Variants in PPARGC1A observed in about 807,000 individuals in gnomAD.
PPARGC1A encodes PPARG coactivator 1 alpha.
Under a neutral mutation model 88.7 loss-of-function variants are expected in PPARGC1A, and 25 were observed. That is an observed-to-expected ratio of 0.28 (90% CI 0.21 to 0.39). The LOEUF is 0.39. Ranked by LOEUF, PPARGC1A falls within the 10% of genes least tolerant of loss-of-function variation. The probability of loss-of-function intolerance (pLI) is 1.00; values close to 1 mark genes in which losing one functional copy is unlikely to be tolerated. For synonymous variants in PPARGC1A, 363 were observed against 355.6 expected (o/e 1.02, Z -0.24); for missense variants, 880 against 968.7 (o/e 0.91, Z 1.22).
the PPARGC1A span, among the ~76,000 whole-genome samples, chr4:24,016,457 T>C: frequency 2.0e-5 from 3 of 152,322 alleles, no homozygotes; most frequent in South Asian, 6.2e-4. Flanking sequence ...GTTCATTCAT[T>C]TAACAAACAT....
chr4:23,851,524 CGTG>C (rs1247613474), intron 2 of PPARGC1A, among the ~76,000 whole-genome samples: 1 of 152,132 alleles, frequency 6.6e-6, no homozygotes, highest in African/African-American at 2.4e-5. Context: ...TGAAAAAACA[CGTG>C]AAAGCAAATG....
At chr4:24,464,078 G>C in the PPARGC1A span, among the ~76,000 whole-genome samples, 5 of 152,154 alleles carry the variant, frequency 3.3e-5, no homozygotes, top group Non-Finnish European at 7.3e-5. Flanking sequence ...GCAAACTACA[G>C]TTTATAAAAT....
At chr4:24,165,429 T>C in the PPARGC1A span, among the ~76,000 whole-genome samples, 6 of 152,196 alleles carry the variant, frequency 3.9e-5, no homozygotes, top group Non-Finnish European at 8.8e-5. Flanking sequence ...GATAATGACA[T>C]AAGCAAGATA....
chr4:24,105,356 C>G, the PPARGC1A span, among the ~76,000 whole-genome samples: 1 of 152,206 alleles, frequency 6.6e-6, no homozygotes, highest in South Asian at 2.1e-4. Context: ...GGCAGCTCAT[C>G]ACACTTTAGG....
At chr4:24,163,085 T>G in the PPARGC1A span, among the ~76,000 whole-genome samples, 35,786 of 150,628 alleles carry the variant, frequency 0.24, 8,052 homozygotes, top group African/African-American at 0.6. Flanking sequence ...ACACATCATG[T>G]CTCTCATACA....
At chr4:24,106,827 C>A in the PPARGC1A span, among the ~76,000 whole-genome samples, 1 of 152,256 alleles carries the variant, frequency 6.6e-6, no homozygotes, top group Non-Finnish European at 1.5e-5. Context: ...GACCCACCAG[C>A]TGGCTCAGAT....
chr4:24,236,599 T>C, the PPARGC1A span, among the ~76,000 whole-genome samples: 2 of 152,080 alleles, frequency 1.3e-5, no homozygotes, highest in East Asian at 1.9e-4. Context: ...CTAAAGAAAA[T>C]TGCACTAAAC....
intron 2 of PPARGC1A, 88 bp from the exon 3 acceptor site, chr4:23,831,839 A>T: frequency 9.6e-7 from 1 of 1,040,752 alleles, no homozygotes; most frequent in Non-Finnish European, 1.4e-6. Flanking sequence ...AAATGAGTGA[A>T]CCATACGTGA....
At chr4:24,038,893 G>A in the PPARGC1A span, among the ~76,000 whole-genome samples, 2 of 152,156 alleles carry the variant, frequency 1.3e-5, no homozygotes, top group African/African-American at 2.4e-5. Context: ...TAACTCTGGG[G>A]TTGGTATTTC....
At chr4:24,347,135 A>G in the PPARGC1A span, among the ~76,000 whole-genome samples, 1 of 152,074 alleles carries the variant, frequency 6.6e-6, no homozygotes, top group Non-Finnish European at 1.5e-5. Flanking sequence ...AGAGTGCTTG[A>G]TATAATTTCA....
the PPARGC1A span, among the ~76,000 whole-genome samples, chr4:24,002,163 G>A: frequency 6.6e-6 from 1 of 151,752 alleles, no homozygotes; most frequent in African/African-American, 2.4e-5. Flanking sequence ...GGAAGTGCCT[G>A]GAAACCAGGC....
chr4:24,203,956 C>T, the PPARGC1A span, among the ~76,000 whole-genome samples: 1 of 152,218 alleles, frequency 6.6e-6, no homozygotes, highest in Non-Finnish European at 1.5e-5. Context: ...TCCAGAAATA[C>T]ATGTTTAAGG....
At chr4:24,396,220 G>A in the PPARGC1A span, among the ~76,000 whole-genome samples, 2 of 152,162 alleles carry the variant, frequency 1.3e-5, no homozygotes, top group African/African-American at 4.8e-5. Flanking sequence ...GAGCAGGTGT[G>A]CAGTCCAAAC....
the PPARGC1A span, among the ~76,000 whole-genome samples, chr4:24,426,504 T>C: frequency 6.6e-6 from 1 of 152,148 alleles, no homozygotes; most frequent in Non-Finnish European, 1.5e-5. Flanking sequence ...TATGTGAAAC[T>C]CTGGGGGTGT....
the PPARGC1A span, among the ~76,000 whole-genome samples, chr4:24,198,234 C>A: frequency 6.6e-5 from 10 of 152,282 alleles, no homozygotes; most frequent in Non-Finnish European, 1.5e-4. Flanking sequence ...TCTAAATAAC[C>A]AAAGTATTTG....
the PPARGC1A span, among the ~76,000 whole-genome samples, chr4:24,211,537 G>T: frequency 6.6e-6 from 1 of 152,148 alleles, no homozygotes; most frequent in Non-Finnish European, 1.5e-5. Flanking sequence ...CTATGTGCGT[G>T]CATGGCTAGT....
At chr4:24,022,038 G>T in the PPARGC1A span, among the ~76,000 whole-genome samples, 1 of 152,166 alleles carries the variant, frequency 6.6e-6, no homozygotes, top group Admixed American at 6.5e-5. Flanking sequence ...AGTGGCCAGT[G>T]CTAGGGAAGA....
At chr4:23,986,018 T>C in the PPARGC1A span, among the ~76,000 whole-genome samples, 1 of 152,040 alleles carries the variant, frequency 6.6e-6, no homozygotes, top group Non-Finnish European at 1.5e-5. Flanking sequence ...ATCTGTAAGA[T>C]AAGAAGACTT....
At chr4:24,204,510 G>A in the PPARGC1A span, among the ~76,000 whole-genome samples, 6 of 152,056 alleles carry the variant, frequency 3.9e-5, no homozygotes, top group Non-Finnish European at 5.9e-5. Context: ...GGGGAAGAGA[G>A]GGGAGGGCAG....
Sources: allele counts gnomAD v4.1 joint callset (sites outside exome capture counted in the v4.1 genomes callset), GRCh38; gene constraint gnomAD v4.1.1; transcripts MANE v1.5; gene names NCBI Gene and HGNC (gene_info 2026-07-23, HGNC 2026-07-21).